Variants in AR observed in about 807,000 individuals in gnomAD.
AR encodes dihydrotestosterone receptor.
AR carries 8 observed loss-of-function variants against 53.9 expected under a neutral mutation model. That is an observed-to-expected ratio of 0.15 (90% CI 0.09 to 0.27). AR has a LOEUF of 0.27. AR is among the 10% of genes least tolerant of loss of function. AR has a pLI of 1.00. For missense variants in AR, 639 were observed against 742.5 expected (o/e 0.86, Z 1.62); for synonymous variants, 359 against 316.4 (o/e 1.13, Z -1.43).
At chrX:67,573,768 C>T (rs1389275996) in intron 1 of AR, among the ~76,000 whole-genome samples, 1 of 111,675 alleles carries the variant, frequency 9.0e-6, no homozygotes. Context: ...TGTCACACAG[C>T]GAGTTATTGT....
In AR at chrX:67,723,902, G is replaced by A; in HGVS notation, c.*61G>A. The A allele has an allele frequency of 8.5e-7, 1 of 1,174,630 alleles. No homozygotes were observed. Among genetic ancestry groups the A allele is most frequent in the South Asian group, 1.8e-5 (1 of 56,140 alleles). ...GCCCCCTTTCAGATGTCTTCTGCCTGTTATAACTCTGCACTACTCCTCTGC... is the reference window on the plus strand; with the variant it reads ...GCCCCCTTTCAGATGTCTTCTGCCTATTATAACTCTGCACTACTCCTCTGC... On this transcript the variant is annotated 3_prime_UTR_variant, in exon 8 of 8. Coordinates refer to ENST00000374690, the MANE Select transcript of AR (RefSeq NM_000044.6).
chrX:67,553,775 T>G (rs972744844), intron 1 of AR, among the ~76,000 whole-genome samples: 1 of 112,679 alleles, frequency 8.9e-6, no homozygotes, highest in African/African-American at 3.2e-5. Flanking sequence ...TTTTTAAAAT[T>G]TATTCCTAAG....
chrX:67,583,462 G>T (rs771691744), intron 1 of AR, among the ~76,000 whole-genome samples: 4 of 111,445 alleles, frequency 3.6e-5, no homozygotes, highest in African/African-American at 1.3e-4. Context: ...ATTGCCATGG[G>T]GCTGCAAGAC....
At chrX:67,576,243 G>A (rs1234634909) in intron 1 of AR, among the ~76,000 whole-genome samples, 1 of 110,919 alleles carries the variant, frequency 9.0e-6, no homozygotes, top group East Asian at 2.9e-4. Flanking sequence ...CTGGTTAGAT[G>A]CAGCTTTTAC....
Position 67,730,227 on chromosome X carries a change from G to GAA in AR, c.*6388_*6389dup, listed in dbSNP as rs2076174629. 1 of 173,480 alleles carries GAA rather than the reference G, an allele frequency of 5.8e-6. No homozygotes were observed. The highest frequency in any genetic ancestry group is 8.0e-5 in the Admixed American group (1 of 12,559). 14.3% of individuals were successfully genotyped at this position (173,480 alleles called of 1,213,427 possible). ...GCATCACACAAAGATTTTCTTAAAAGAAACAATTTTGCTTGAAATCTCTTT... is the reference window on the plus strand; with the variant it reads ...GCATCACACAAAGATTTTCTTAAAAGAAAAACAATTTTGCTTGAAATCTCTTT... On this transcript the variant is annotated 3_prime_UTR_variant, in exon 8 of 8. Transcript: ENST00000374690.
In AR at chrX:67,546,264, G is replaced by A. The variant is rs1281366260; in HGVS notation, c.1118G>A (p.Gly373Glu). The A allele has an allele frequency of 1.7e-6, 2 of 1,207,620 alleles. No homozygotes were observed. Among genetic ancestry groups the A allele is most frequent in the African/African-American group, 3.5e-5 (2 of 57,773 alleles). ...DYYNFPLALA[G>E]PPPPPPPPHP... ...TACAACTTTCCACTGGCTCTGGCCGGACCGCCGCCCCCTCCGCCGCCTCCC... is the reference window on the plus strand; with the variant it reads ...TACAACTTTCCACTGGCTCTGGCCGAACCGCCGCCCCCTCCGCCGCCTCCC... Residue 373 changes from glycine (G) to glutamate (E), a missense_variant, in exon 1 of 8, where the codon GGA becomes GAA. By Grantham distance (98) the Gly-to-Glu change is moderately conservative. Around this residue, in one of 5 missense-constraint regions of AR, gnomAD observed 423 missense variants for 377.0 expected, o/e 1.12. Coordinates refer to ENST00000374690, the MANE Select transcript of AR (RefSeq NM_000044.6).
At chrX:67,617,976 G>A (rs1408165976) in intron 1 of AR, among the ~76,000 whole-genome samples, 1 of 112,034 alleles carries the variant, frequency 8.9e-6, no homozygotes, top group Non-Finnish European at 1.9e-5. Flanking sequence ...GAAAGAGCTT[G>A]TTTACCACAT....
At chrX:67,551,953 G>T (rs1447627225) in intron 1 of AR, among the ~76,000 whole-genome samples, 2 of 111,939 alleles carry the variant, frequency 1.8e-5, no homozygotes, top group Admixed American at 9.5e-5. Flanking sequence ...TAGCATTAAA[G>T]TGCTGGGTCA....
chrX:67,658,762 G>T lies in AR; in HGVS notation c.1768+15355G>T, dbSNP rs374886626. 8.0e-5 allele frequency among the ~76,000 whole-genome samples: 9 copies of T among 112,191 alleles called. No homozygotes were observed. In the South Asian group the frequency reaches 3.3e-3, roughly 42 times the overall value. ...TTTGGACATTAGAAAACCACGAGGG[G>T]TTTGGAAATCAGAAAACCAGCAGAG... On this transcript the variant is annotated intron_variant, in intron 2 of 7. Coordinates refer to ENST00000374690, the MANE Select transcript of AR (RefSeq NM_000044.6).
intron 1 of AR, among the ~76,000 whole-genome samples, chrX:67,610,355 AT>A (rs1262514800): frequency 9.0e-6 from 1 of 111,125 alleles, no homozygotes. Flanking sequence ...TTGGTTTGAT[AT>A]TTTTTATTAG....
intron 2 of AR, among the ~76,000 whole-genome samples, chrX:67,662,967 C>T (rs1272961709): frequency 9.0e-6 from 1 of 111,104 alleles, no homozygotes; most frequent in Non-Finnish European, 1.9e-5. Flanking sequence ...TTGTGTTTTC[C>T]GTTTGCTTGA....
chrX:67,701,900 C>T (rs2076044213), intron 3 of AR, among the ~76,000 whole-genome samples: 1 of 111,540 alleles, frequency 9.0e-6, no homozygotes, highest in African/African-American at 3.3e-5. Context: ...CTGTCTATTC[C>T]CTTCTGGATT....
chrX:67,705,632 T>C (rs2076063308), intron 3 of AR, among the ~76,000 whole-genome samples: 1 of 111,522 alleles, frequency 9.0e-6, no homozygotes, highest in Non-Finnish European at 1.9e-5. Context: ...TTGAATACCC[T>C]TTATTTCTTT....
chrX:67,568,076 C>T (rs1263141593), intron 1 of AR, among the ~76,000 whole-genome samples: 1 of 111,267 alleles, frequency 9.0e-6, no homozygotes, highest in Non-Finnish European at 1.9e-5. Context: ...AAATCTCCCT[C>T]CCATACCACA....
chrX:67,689,487 A>G, intron 3 of AR: 1 of 718,311 alleles, frequency 1.4e-6, no homozygotes, highest in Admixed American at 3.6e-5. Context: ...GTTCAGAGAT[A>G]CTTAATAGAT....
At chrX:67,671,092 A>G in intron 2 of AR, among the ~76,000 whole-genome samples, 1 of 112,113 alleles carries the variant, frequency 8.9e-6, no homozygotes, top group East Asian at 2.8e-4. Flanking sequence ...TAGAAGAATG[A>G]TTTATAATCT....
At chrX:67,562,940 C>T (rs977094262) in intron 1 of AR, among the ~76,000 whole-genome samples, 2 of 111,811 alleles carry the variant, frequency 1.8e-5, no homozygotes, top group Admixed American at 9.5e-5. Flanking sequence ...TATTAGTTCC[C>T]TTCTTCTAAT....
rs1929779937 is a variant in AR, at chrX:67,546,691, C to T, written c.1545C>T (p.Pro515=). The T allele has an allele frequency of 8.3e-7, 1 of 1,209,051 alleles. No individual in the cohort carries two copies. Among genetic ancestry groups the T allele is most frequent in the Non-Finnish European group, 1.1e-6 (1 of 894,256 alleles). Residue 515 remains proline, a synonymous_variant, in exon 1 of 8, where the codon CCC becomes CCT. Coordinates refer to ENST00000374690, the MANE Select transcript of AR (RefSeq NM_000044.6). ...PGGMVSRVPY[P]SPTCVKSEMG... is the part of the protein sequence containing the mutation. ...GCATGGTGAGCAGAGTGCCCTATCCCAGTCCCACTTGTGTCAAAAGCGAAA... is the reference window on the plus strand; with the variant it reads ...GCATGGTGAGCAGAGTGCCCTATCCTAGTCCCACTTGTGTCAAAAGCGAAA...
chrX:67,610,547 G>GTA (rs1206780639), intron 1 of AR, among the ~76,000 whole-genome samples: 2 of 110,862 alleles, frequency 1.8e-5, no homozygotes, highest in South Asian at 3.8e-4. Context: ...GATTTTCTAT[G>GTA]TATATATATT....
Sources: gnomAD v4.1 joint callset for allele counts (sites outside exome capture counted in the v4.1 genomes callset) on GRCh38, gnomAD v4.1.1 for gene constraint, gnomAD v4.1.1 regional missense constraint, MANE v1.5 for transcripts, NCBI Gene and HGNC (gene_info 2026-07-23, HGNC 2026-07-21) for gene names.